SLCO5A1: variants seen among roughly 807,000 people sequenced by gnomAD.
SLCO5A1 encodes solute carrier organic anion transporter family member 5A1, also known as organic anion transporter polypeptide-related protein 4.
In SLCO5A1, 39 loss-of-function variants were observed where a neutral mutation model predicts 65.1. The observed-to-expected ratio is 0.60, with a 90% CI of 0.46 to 0.78. The LOEUF is 0.78. SLCO5A1 is among the 30% of genes least tolerant of loss of function. The pLI is 0.00. For missense variants in SLCO5A1, 1,029 were observed against 1,069.4 expected, an observed-to-expected ratio of 0.96 and a Z score of 0.53; for synonymous variants, 438 against 415.7, an observed-to-expected ratio of 1.05 and a Z score of -0.65.
chr8:69,699,107 A>T (rs1814616642), intron 6 of SLCO5A1, among the ~76,000 whole-genome samples: 1 of 152,222 alleles, frequency 6.6e-6, no homozygotes. Flanking sequence ...GGACAGTAAC[A>T]CAAGAAAGAT....
At chr8:69,683,567 CTTT>C (rs199891720) in intron 6 of SLCO5A1, among the ~76,000 whole-genome samples, 58 of 147,194 alleles carry the variant, frequency 3.9e-4, no homozygotes, top group Non-Finnish European at 7.6e-4. Context: ...CAAGACTTAT[CTTT>C]TTTTTTTTTT....
intron 5 of SLCO5A1, among the ~76,000 whole-genome samples, chr8:69,716,419 A>C (rs1815541849): frequency 6.6e-6 from 1 of 152,218 alleles, no homozygotes; most frequent in African/African-American, 2.4e-5. Context: ...AAGTGGCTGC[A>C]CCATTTCACA....
intron 2 of SLCO5A1, among the ~76,000 whole-genome samples, chr8:69,798,132 T>C (rs904324831): frequency 3.3e-5 from 5 of 152,086 alleles, no homozygotes; most frequent in Non-Finnish European, 7.3e-5. Flanking sequence ...ATATCGGGGG[T>C]GAATTTCACC....
intron 2 of SLCO5A1, among the ~76,000 whole-genome samples, chr8:69,775,655 TG>T (rs1021396137): frequency 9.3e-4 from 141 of 152,154 alleles, no homozygotes; most frequent in Middle Eastern, 3.4e-3. Context: ...AAACAGAAAA[TG>T]GATGGGACTT....
chr8:69,797,713 G>A (rs1237760882), intron 2 of SLCO5A1, among the ~76,000 whole-genome samples: 1 of 152,204 alleles, frequency 6.6e-6, no homozygotes, highest in Non-Finnish European at 1.5e-5. Context: ...TTAGGACAAG[G>A]AAATTCCCAC....
At chr8:69,673,744 C>T (rs1196334771) in intron 9 of SLCO5A1, among the ~76,000 whole-genome samples, 1 of 152,014 alleles carries the variant, frequency 6.6e-6, no homozygotes, top group African/African-American at 2.4e-5. Context: ...CCTTTATTAC[C>T]CACCAAAATT....
At chr8:69,802,746 G>C (rs912250783) in intron 2 of SLCO5A1, among the ~76,000 whole-genome samples, 2 of 151,960 alleles carry the variant, frequency 1.3e-5, no homozygotes, top group African/African-American at 4.8e-5. Flanking sequence ...CTGCCTGGAG[G>C]CCTCATCTCC....
intron 2 of SLCO5A1, among the ~76,000 whole-genome samples, chr8:69,818,078 T>C (rs1820477973): frequency 1.3e-5 from 2 of 152,232 alleles, no homozygotes; most frequent in South Asian, 4.1e-4. Context: ...ATACCATTCA[T>C]CTCACATCAT....
intron 2 of SLCO5A1, among the ~76,000 whole-genome samples, chr8:69,815,457 T>C (rs1266527658): frequency 6.6e-6 from 1 of 152,154 alleles, no homozygotes; most frequent in Non-Finnish European, 1.5e-5. Flanking sequence ...CTCTCATTTG[T>C]TTTTAAGAAA....
intron 4 of SLCO5A1, among the ~76,000 whole-genome samples, chr8:69,739,248 G>A (rs1275290961): frequency 6.6e-6 from 1 of 152,074 alleles, no homozygotes; most frequent in East Asian, 1.9e-4. Context: ...TCATCCTACA[G>A]CCTCTTGTAA....
At chr8:69,716,916 A>T (rs1481650405) in intron 5 of SLCO5A1, among the ~76,000 whole-genome samples, 1 of 151,896 alleles carries the variant, frequency 6.6e-6, no homozygotes, top group African/African-American at 2.4e-5. Context: ...AATAGCTGGG[A>T]CTACAGGCAC....
intron 2 of SLCO5A1, among the ~76,000 whole-genome samples, chr8:69,818,322 G>T (rs764005931): frequency 2.6e-5 from 4 of 152,172 alleles, no homozygotes; most frequent in Non-Finnish European, 5.9e-5. Context: ...CTGGTCTTTC[G>T]ATCCTTGCTG....
At chr8:69,721,006 A>G (rs1167805116) in intron 5 of SLCO5A1, among the ~76,000 whole-genome samples, 1 of 152,236 alleles carries the variant, frequency 6.6e-6, no homozygotes, top group East Asian at 1.9e-4. Context: ...CCTATTCTAG[A>G]GTAACAGCTT....
intron 5 of SLCO5A1, 137 bp downstream of exon 5, chr8:69,737,903 C>T (rs1816626178): frequency 3.6e-6 from 3 of 834,858 alleles, no homozygotes; most frequent in Non-Finnish European, 5.2e-6. Context: ...ATTTCCTCCT[C>T]CTAAAATCTG....
At chr8:69,831,252 T>C (rs1184874314) in intron 2 of SLCO5A1, among the ~76,000 whole-genome samples, 1 of 120,676 alleles carries the variant, frequency 8.3e-6, no homozygotes, top group African/African-American at 3.2e-5. Context: ...AGAGCAAGAC[T>C]CCATCTTAAA....
Position 69,746,390 on chromosome 8 carries a change from C to T in SLCO5A1, c.1259-8186G>A, listed in dbSNP as rs1190525162. 2.0e-5 allele frequency among the ~76,000 whole-genome samples: 3 copies of T among 151,968 alleles called. No homozygotes were observed. The South Asian group carries it at 6.2e-4, about 32-fold the overall frequency. On this transcript the variant is annotated intron_variant, in intron 4 of 9. Transcript: ENST00000260126. ...AAGTACATTTTGAGAGAAGAGTGAT[C>T]GAACAAGCAGACAAAGGCAGCTTAA...
intron 5 of SLCO5A1, among the ~76,000 whole-genome samples, chr8:69,727,614 G>A (rs1362197628): frequency 2.0e-5 from 3 of 152,238 alleles, no homozygotes; most frequent in Non-Finnish European, 4.4e-5. Flanking sequence ...CCTCGCTAAT[G>A]CCATGCCTGG....
intron 9 of SLCO5A1, among the ~76,000 whole-genome samples, chr8:69,674,304 A>T (rs1298192002): frequency 6.6e-6 from 1 of 152,122 alleles, no homozygotes; most frequent in African/African-American, 2.4e-5. Flanking sequence ...TAGCAATGGG[A>T]GGGAGGAGGG....
rs1051506721 is a variant in SLCO5A1 at position 69,667,543 on chromosome 8, T to C, written c.*5326A>G. ...TCTTACCAATGATTCTTATTTTTCATTTCTAGATACAAACTTTAAACCTCT... is the reference window on the plus strand; with the variant it reads ...TCTTACCAATGATTCTTATTTTTCACTTCTAGATACAAACTTTAAACCTCT... On this transcript the variant is annotated 3_prime_UTR_variant, in exon 10 of 10. Transcript: ENST00000260126. The C allele has an allele frequency of 6.6e-6, 1 of 152,216 alleles. No homozygotes were observed. The highest frequency in any genetic ancestry group is 6.5e-5 in the Admixed American group (1 of 15,282). The allele number at this position is 152,216 out of a possible 1,614,324, so 9.4% of individuals were successfully genotyped here.
Sources: gnomAD v4.1 joint callset for allele counts (sites outside exome capture counted in the v4.1 genomes callset) on GRCh38, gnomAD v4.1.1 for gene constraint, MANE v1.5 for transcripts, NCBI Gene and HGNC (gene_info 2026-07-23, HGNC 2026-07-21) for gene names.